Variants in DCAF5 observed in about 807,000 individuals in gnomAD.
DCAF5 encodes DDB1- and CUL4-associated factor 5.
In DCAF5, 9 loss-of-function variants were observed where a neutral mutation model predicts 80.7. That is an observed-to-expected ratio of 0.11 (90% CI 0.07 to 0.19). The LOEUF is 0.19. DCAF5 is among the 10% of genes least tolerant of loss of function. The probability of loss-of-function intolerance (pLI) is 1.00; values close to 1 mark genes in which losing one functional copy is unlikely to be tolerated. For missense variants in DCAF5, 842 were observed against 1,205.7 expected, an observed-to-expected ratio of 0.70 and a Z score of 4.47; for synonymous variants, 433 against 461.9, an observed-to-expected ratio of 0.94 and a Z score of 0.80.
intron 1 of DCAF5, among the ~76,000 whole-genome samples, chr14:69,151,749 C>T (rs2041712616): frequency 6.6e-6 from 1 of 152,152 alleles, no homozygotes; most frequent in Non-Finnish European, 1.5e-5. Flanking sequence ...TCCCCAGGGG[C>T]AGCTGTCGCC....
Position 69,152,986 on chromosome 14 carries a change from C to T in DCAF5, c.-8G>A, listed in dbSNP as rs1318035420. ...GCCAGCTCTCCTCTTCATGCTGGAA[C>T]CGCCGCCGCCGCCGCTCGCGCCGCC... On this transcript the variant is annotated 5_prime_UTR_variant, in exon 1 of 9. Transcript: ENST00000341516. The surrounding 1 kb of genome is among the most constrained non-coding windows in gnomAD (Gnocchi z 4.1). The T allele has an allele frequency of 6.6e-7, 1 of 1,511,408 alleles. No homozygotes were observed. The highest frequency in any genetic ancestry group is 1.4e-5 in the African/African-American group (1 of 69,794). The allele number at this position is 1,511,408 out of a possible 1,614,324, so 93.6% of individuals were successfully genotyped here. A position where few individuals can be genotyped will look rare whatever the true frequency, so the allele number is the denominator to read the frequency against.
At chr14:69,091,621 A>T (rs1473185148) in intron 6 of DCAF5, 53 bp downstream of exon 6, 2 of 1,508,288 alleles carry the variant, frequency 1.3e-6, no homozygotes, top group Non-Finnish European at 1.8e-6. Context: ...TATAGAAAGA[A>T]CAATCAGAAA....
At position 69,053,975 on chromosome 14, in the gene DCAF5, G is replaced by T; in HGVS notation, c.2711C>A (p.Thr904Asn). 3.1e-6 allele frequency: 5 copies of T among 1,613,036 alleles called. No homozygotes were observed. The highest frequency in any genetic ancestry group is 4.2e-6 in the Non-Finnish European group (5 of 1,179,428). ...AGCCCTGCTACTATCTGTGGCTGGGGTGTCAGTGGGGTCCTCTCTTGTTCC... is the reference window on the plus strand; with the variant it reads ...AGCCCTGCTACTATCTGTGGCTGGGTTGTCAGTGGGGTCCTCTCTTGTTCC... ...NAGTREDPTDTPATDSSRAVH... is the reference protein window; with the variant it reads ...NAGTREDPTDNPATDSSRAVH... Residue 904 changes from threonine (T) to asparagine (N), a missense_variant, in exon 9 of 9, where the codon ACC becomes AAC. Physicochemically the swap from Thr to Asn is moderately conservative, Grantham distance 65. Transcript: ENST00000341516.
intron 8 of DCAF5, among the ~76,000 whole-genome samples, chr14:69,058,197 T>C (rs1295636179): frequency 6.6e-6 from 1 of 152,138 alleles, no homozygotes; most frequent in Non-Finnish European, 1.5e-5. Flanking sequence ...CAGAAGTGAA[T>C]CAATGAAAAA....
At position 69,053,142 on chromosome 14, in the gene DCAF5, T is replaced by C. The variant is rs2037815522; in HGVS notation, c.*715A>G. The C allele has an allele frequency of 6.6e-6, 1 of 152,292 alleles. No individual in the cohort carries two copies. The allele number at this position is 152,292 out of a possible 1,614,324, so 9.4% of individuals were successfully genotyped here. ...CTCAATTTGCAAACAGTGAAATTTATCAGGAATCTATATTCTCTTGAATCT... is the reference window on the plus strand; with the variant it reads ...CTCAATTTGCAAACAGTGAAATTTACCAGGAATCTATATTCTCTTGAATCT... On this transcript the variant is annotated 3_prime_UTR_variant, in exon 9 of 9. Transcript: ENST00000341516.
chr14:69,152,700 G>T lies in DCAF5; in HGVS notation c.214+65C>A, dbSNP rs1241594156. 1.6e-6 allele frequency: 2 copies of T among 1,257,006 alleles called. No individual in the cohort carries two copies. Among genetic ancestry groups the T allele is most frequent in the Non-Finnish European group, 1.1e-6 (1 of 900,064 alleles). The allele number at this position is 1,257,006 out of a possible 1,614,324, so 77.9% of individuals were successfully genotyped here. A position where few individuals can be genotyped will look rare whatever the true frequency, so the allele number is the denominator to read the frequency against. On this transcript the variant is annotated intron_variant, in intron 1 of 8. Transcript: ENST00000341516. The surrounding 1 kb of genome is among the most constrained non-coding windows in gnomAD (Gnocchi z 4.1). The stretch of plus-strand genomic sequence containing the variant: ...AGAGGGCAGGAGGAGGGTGACGGGG[G>T]AGAGCGAGAGGGGGAGGCTGGGAGG...
At position 69,052,827 on chromosome 14, in the gene DCAF5, A is replaced by G. The variant is rs2037805950; in HGVS notation, c.*1030T>C. 6.6e-6 allele frequency: 1 copy of G among 152,244 alleles called. No individual in the cohort carries two copies. The highest frequency in any genetic ancestry group is 1.5e-5 in the Non-Finnish European group (1 of 68,064). 9.4% of individuals were successfully genotyped at this position (152,244 alleles called of 1,614,324 possible). ...CTGAGGGAAGATGCCAGTCCCACCA[A>G]TTCTGACCAATGGTTCTGGGTTGAG... On this transcript the variant is annotated 3_prime_UTR_variant, in exon 9 of 9. Transcript: ENST00000341516.
intron 1 of DCAF5, among the ~76,000 whole-genome samples, chr14:69,147,070 A>G (rs1379110101): frequency 6.6e-6 from 1 of 152,362 alleles, no homozygotes; most frequent in East Asian, 1.9e-4. Flanking sequence ...TCTACAAAAA[A>G]CTGATTTCAT....
In DCAF5 at chr14:69,067,706, G is replaced by A. The variant is rs540750391; in HGVS notation, c.947-5195C>T. ...GGCTGGAGTGCAGTGGCGTGATCTCGGCTCACTGCAACCTTCACCTCCCCA... is the reference window on the plus strand; with the variant it reads ...GGCTGGAGTGCAGTGGCGTGATCTCAGCTCACTGCAACCTTCACCTCCCCA... On this transcript the variant is annotated intron_variant, in intron 7 of 8. Coordinates refer to ENST00000341516, the MANE Select transcript of DCAF5 (RefSeq NM_003861.3). 1.5e-3 allele frequency among the ~76,000 whole-genome samples: 229 copies of A among 150,700 alleles called. 5 individuals are homozygous for A. The South Asian group carries it at 0.028, about 19-fold the overall frequency.
At chr14:69,149,247 T>C (rs529568846) in intron 1 of DCAF5, among the ~76,000 whole-genome samples, 1 of 152,336 alleles carries the variant, frequency 6.6e-6, no homozygotes, top group African/African-American at 2.4e-5. Context: ...ATTAAACAAA[T>C]GACACAGCAA....
intron 1 of DCAF5, among the ~76,000 whole-genome samples, chr14:69,125,077 A>C (rs1374071628): frequency 2.0e-5 from 3 of 152,198 alleles, no homozygotes; most frequent in African/African-American, 7.2e-5. Context: ...TAATATGCCA[A>C]CATCACACAA....
At position 69,124,804 on chromosome 14, in the gene DCAF5, G is replaced by C. The variant is rs898327468; in HGVS notation, c.215-2444C>G. Reference sequence around the variant, plus strand: ...AGTTCTCTATAGTCTCCACTCCTATGGTTTTCTCCCAACACTGAGGCTGTG... The same window carrying C: ...AGTTCTCTATAGTCTCCACTCCTATCGTTTTCTCCCAACACTGAGGCTGTG... On this transcript the variant is annotated intron_variant, in intron 1 of 8. Coordinates refer to ENST00000341516, the MANE Select transcript of DCAF5 (RefSeq NM_003861.3). Among the ~76,000 whole-genome samples, 5 of 152,190 alleles carry C rather than the reference G, an allele frequency of 3.3e-5. No individual in the cohort carries two copies. In the South Asian group the frequency reaches 1.0e-3, roughly 32 times the overall value.
At chr14:69,138,191 G>C (rs1237300128) in intron 1 of DCAF5, among the ~76,000 whole-genome samples, 1 of 151,988 alleles carries the variant, frequency 6.6e-6, no homozygotes, top group Non-Finnish European at 1.5e-5. Context: ...GCTTTAACTT[G>C]TAACACCAAG....
At chr14:69,079,277 A>G (rs1421307660) in intron 6 of DCAF5, among the ~76,000 whole-genome samples, 2 of 152,186 alleles carry the variant, frequency 1.3e-5, no homozygotes, top group Non-Finnish European at 2.9e-5. Flanking sequence ...AGACTGCCTT[A>G]GAAGGAAGAA....
intron 1 of DCAF5, among the ~76,000 whole-genome samples, chr14:69,149,734 G>T (rs1251951645): frequency 6.6e-6 from 1 of 152,130 alleles, no homozygotes; most frequent in African/African-American, 2.4e-5. Flanking sequence ...AACCAGACAA[G>T]ACACAAGAAC....
upstream of DCAF5, chr14:69,153,140 G>A: frequency 1.0e-5 from 5 of 492,516 alleles, no homozygotes; most frequent in Non-Finnish European, 1.3e-5. Flanking sequence ...GGCGGCGTTC[G>A]CGGCTTCCTG....
Position 69,074,903 on chromosome 14 carries a change from G to A in DCAF5, c.946+442C>T, listed in dbSNP as rs544777723. ...ACAAAAAATTAGCCGGTGTGGTGGC[G>A]TGTGCCTGTAATCCCAGCTACTCAG... On this transcript the variant is annotated intron_variant, in intron 7 of 8. Coordinates refer to ENST00000341516, the MANE Select transcript of DCAF5 (RefSeq NM_003861.3). Among the ~76,000 whole-genome samples, 10 of 152,080 alleles carry A rather than the reference G, an allele frequency of 6.6e-5. No homozygotes were observed. The South Asian group carries it at 8.3e-4, about 13-fold the overall frequency.
At chr14:69,122,397 T>C in intron 1 of DCAF5, 37 bp from the exon 2 acceptor site, 2 of 1,587,846 alleles carry the variant, frequency 1.3e-6, no homozygotes, top group Non-Finnish European at 1.7e-6. Flanking sequence ...TTAAAACAGC[T>C]GACATCGCAA....
At chr14:69,095,974 T>C (rs1159284504) in intron 5 of DCAF5, among the ~76,000 whole-genome samples, 2 of 152,186 alleles carry the variant, frequency 1.3e-5, no homozygotes, top group Non-Finnish European at 2.9e-5. Context: ...AGCAAGGTCC[T>C]TTCTATGGGA....
Sources: gnomAD v4.1 joint callset for allele counts (sites outside exome capture counted in the v4.1 genomes callset) on GRCh38, gnomAD v4.1.1 for gene constraint, Gnocchi (gnomAD v3.1) non-coding constraint, MANE v1.5 for transcripts, NCBI Gene and HGNC (gene_info 2026-07-23, HGNC 2026-07-21) for gene names.